LARS2: variants seen among roughly 807,000 people sequenced by gnomAD.
LARS2 encodes the protein leucine--tRNA ligase, mitochondrial.
A neutral mutation model predicts 116.6 loss-of-function variants in LARS2; 81 were observed. That is an observed-to-expected ratio of 0.69 (90% CI 0.58 to 0.84). The LOEUF is 0.84. Among genes scored for constraint, LARS2 ranks in the 40% least tolerant of loss-of-function variants. The pLI, the probability that LARS2 is intolerant of heterozygous loss-of-function variation, is 0.00. For synonymous variants in LARS2, 396 were observed against 407.2 expected (o/e 0.97, Z 0.33); for missense variants, 968 against 1,114.5 (o/e 0.87, Z 1.87).
At chr3:45,413,961 T>C (rs1170519458) in intron 4 of LARS2, among the ~76,000 whole-genome samples, 1 of 152,190 alleles carries the variant, frequency 6.6e-6, no homozygotes, top group Non-Finnish European at 1.5e-5. Context: ...GGAGGAAAAC[T>C]CCAGGTGCTC....
intron 3 of LARS2, among the ~76,000 whole-genome samples, chr3:45,396,654 A>G (rs563607364): frequency 2.6e-5 from 4 of 152,332 alleles, no homozygotes; most frequent in African/African-American, 9.6e-5. Flanking sequence ...ATTTGCATTT[A>G]ATGAGCATTT....
intron 4 of LARS2, among the ~76,000 whole-genome samples, chr3:45,411,477 C>T (rs188657532): frequency 6.6e-6 from 1 of 152,294 alleles, no homozygotes; most frequent in African/African-American, 2.4e-5. Flanking sequence ...ATAACCCTAT[C>T]CTGAGACTTT....
intron 8 of LARS2, among the ~76,000 whole-genome samples, chr3:45,471,236 T>C (rs1407639589): frequency 6.6e-6 from 1 of 152,186 alleles, no homozygotes; most frequent in Non-Finnish European, 1.5e-5. Context: ...TCTGAAGCCC[T>C]GTTCATCAGA....
chr3:45,540,682 C>G (rs1393660642), intron 20 of LARS2, among the ~76,000 whole-genome samples: 1 of 152,168 alleles, frequency 6.6e-6, no homozygotes, highest in Non-Finnish European at 1.5e-5. Flanking sequence ...GGTGTGTATT[C>G]CCTGTGCCTT....
intron 3 of LARS2, among the ~76,000 whole-genome samples, chr3:45,396,926 G>C (rs1248354097): frequency 6.6e-6 from 1 of 152,208 alleles, no homozygotes; most frequent in Non-Finnish European, 1.5e-5. Context: ...GAAGGCAAAA[G>C]AATTTGCCCA....
At chr3:45,521,881 C>T (rs1361567347) in intron 19 of LARS2, among the ~76,000 whole-genome samples, 1 of 151,462 alleles carries the variant, frequency 6.6e-6, no homozygotes, top group Non-Finnish European at 1.5e-5. Flanking sequence ...GCCGAGGCAG[C>T]AGGATCGATT....
At chr3:45,448,089 A>G (rs2125704866) in intron 7 of LARS2, among the ~76,000 whole-genome samples, 1 of 152,292 alleles carries the variant, frequency 6.6e-6, no homozygotes. Flanking sequence ...CTCTACAAAA[A>G]GTAGGAAAAA....
In LARS2 at chr3:45,519,285, A is replaced by G. The variant is rs1335289614; in HGVS notation, c.2215-934A>G. Among the ~76,000 whole-genome samples, 6 of 151,878 alleles carry G rather than the reference A, an allele frequency of 4.0e-5. No individual in the cohort carries two copies. In the South Asian group the frequency reaches 1.2e-3, roughly 32 times the overall value. ...GGCGGGCAGATCACAAGATCAAGAG[A>G]TTGAGACCATCCTGGCTAACATGGT... is the stretch of plus-strand genomic sequence containing the variant. On this transcript the variant is annotated intron_variant, in intron 18 of 21. Transcript: ENST00000645846.
chr3:45,488,915 A>G (rs1575287420), intron 12 of LARS2, 103 bp downstream of exon 12: 1 of 779,906 alleles, frequency 1.3e-6, no homozygotes, highest in Non-Finnish European at 2.4e-6. Flanking sequence ...ACTCGTCCCC[A>G]TACCTAACAG....
chr3:45,412,391 G>A (rs1451238037), intron 4 of LARS2, among the ~76,000 whole-genome samples: 1 of 152,126 alleles, frequency 6.6e-6, no homozygotes, highest in African/African-American at 2.4e-5. Context: ...GTGTACATAT[G>A]TTTGTATGTA....
At chr3:45,520,161 T>C in intron 18 of LARS2, 58 bp from the exon 19 acceptor site, 1 of 1,257,316 alleles carries the variant, frequency 8.0e-7, no homozygotes, top group Non-Finnish European at 1.2e-6. Flanking sequence ...ATTCAGTCTT[T>C]TTGTGGAAAG....
At chr3:45,428,537 G>A (rs1046043874) in intron 6 of LARS2, among the ~76,000 whole-genome samples, 20 of 152,072 alleles carry the variant, frequency 1.3e-4, no homozygotes, top group Non-Finnish European at 1.9e-4. Flanking sequence ...GAGCCACCGC[G>A]CCCAGCCTAT....
intron 2 of LARS2, among the ~76,000 whole-genome samples, chr3:45,392,535 T>C (rs1697973024): frequency 6.6e-6 from 1 of 152,154 alleles, no homozygotes; most frequent in Non-Finnish European, 1.5e-5. Context: ...CCTCAGGTGA[T>C]CCGCCTGCCT....
intron 9 of LARS2, 75 bp from the exon 10 acceptor site, chr3:45,476,393 G>T: frequency 6.8e-7 from 1 of 1,473,504 alleles, no homozygotes; most frequent in South Asian, 1.2e-5. Context: ...GGAAGGGGAA[G>T]GGGATACAGT....
intron 6 of LARS2, among the ~76,000 whole-genome samples, chr3:45,432,817 T>G (rs2125695975): frequency 6.6e-6 from 1 of 151,788 alleles, no homozygotes; most frequent in South Asian, 2.1e-4. Flanking sequence ...ATAGAGAAAA[T>G]TAATGAAACT....
chr3:45,445,686 T>G (rs1291771684), intron 6 of LARS2, among the ~76,000 whole-genome samples: 1 of 152,152 alleles, frequency 6.6e-6, no homozygotes, highest in Non-Finnish European at 1.5e-5. Context: ...TATTTTCCTT[T>G]TAAAAGAATT....
In LARS2 at chr3:45,516,151, T is replaced by C; in HGVS notation, c.1919T>C (p.Met640Thr). 6.2e-7 allele frequency: 1 copy of C among 1,614,186 alleles called. No individual in the cohort carries two copies. ...KEKLEVTWEK[M>T]SKSKHNGVDP... ...AAGTTAGAGGTGACGTGGGAGAAGA[T>C]GAGTAAGTCCAAACACAACGGGGTG... is the stretch of plus-strand genomic sequence containing the variant. The change falls in exon 17 of 22, where the codon ATG becomes ACG. Residue 640 changes from methionine to threonine, a missense_variant. By Grantham distance (81) the Met-to-Thr change is moderately conservative. Coordinates refer to ENST00000645846, the MANE Select transcript of LARS2 (RefSeq NM_015340.4).
At chr3:45,400,141 T>A (rs1698119039) in intron 3 of LARS2, 104 bp from the exon 4 acceptor site, 1 of 1,128,024 alleles carries the variant, frequency 8.9e-7, no homozygotes, top group Admixed American at 2.5e-5. Flanking sequence ...AAGGAAACTT[T>A]TAAAATGTTA....
At chr3:45,497,055 A>G (rs568972220) in intron 14 of LARS2, among the ~76,000 whole-genome samples, 1 of 152,366 alleles carries the variant, frequency 6.6e-6, no homozygotes, top group East Asian at 1.9e-4. Flanking sequence ...TGAGACCGCT[A>G]AGAAGCCTCA....
Sources: allele counts gnomAD v4.1 joint callset (sites outside exome capture counted in the v4.1 genomes callset), GRCh38; gene constraint gnomAD v4.1.1; transcripts MANE v1.5; gene names NCBI Gene and HGNC (gene_info 2026-07-23, HGNC 2026-07-21).